Variants in RTN4RL1 observed in about 807,000 individuals in gnomAD.
RTN4RL1 encodes the protein reticulon-4 receptor-like 1.
In RTN4RL1, 7 loss-of-function variants were observed where a neutral mutation model predicts 25.6. That is an observed-to-expected ratio of 0.27 (90% confidence interval 0.16 to 0.51). The LOEUF (loss-of-function observed/expected upper bound fraction) is 0.51. Ranked by LOEUF, RTN4RL1 falls within the 20% of genes least tolerant of loss-of-function variation. The pLI is 0.97. For synonymous variants in RTN4RL1, 297 were observed against 288.2 expected (o/e 1.03, Z -0.31); for missense variants, 500 against 615.6 (o/e 0.81, Z 1.99).
At chr17:1,969,027 T>G in intron 1 of RTN4RL1, among the ~76,000 whole-genome samples, 1 of 149,784 alleles carries the variant, frequency 6.7e-6, no homozygotes, top group Non-Finnish European at 1.5e-5. Context: ...TGTCTACAAG[T>G]CAGACTCGTG....
In RTN4RL1 at chr17:1,994,438, C is replaced by T. The variant is rs1311862196; in HGVS notation, c.13+30415G>A. Among the ~76,000 whole-genome samples, 5 of 152,136 alleles carry T rather than the reference C, an allele frequency of 3.3e-5. No homozygotes were observed. The highest frequency in any genetic ancestry group is 1.3e-4 in the Admixed American group (2 of 15,262). Reference sequence around the variant, plus strand: ...CGGGCAAAAGCAGGGCGAGTACTGCCCAAGTCCTGAATATCCTCGGCCTCA... The same window carrying T: ...CGGGCAAAAGCAGGGCGAGTACTGCTCAAGTCCTGAATATCCTCGGCCTCA... On this transcript the variant is annotated intron_variant, in intron 1 of 1. Transcript: ENST00000331238. This position sits in a 1 kb window ranked among gnomAD's most constrained non-coding sequence, Gnocchi z 4.3.
Position 2,025,244 on chromosome 17 carries a change from A to C in RTN4RL1, c.-379T>G. On this transcript the variant is annotated 5_prime_UTR_variant, in exon 1 of 2. Transcript: ENST00000331238. The surrounding 1 kb of genome is among the most constrained non-coding windows in gnomAD (Gnocchi z 4.8). ...CCCCTCCTCTCCGCCCCCTCGGACC[A>C]CCGCCGCCGCGGCTGCAGCAAAAGG... is the stretch of plus-strand genomic sequence containing the variant. 5.7e-6 allele frequency: 1 copy of C among 174,864 alleles called. No individual in the cohort carries two copies. Among genetic ancestry groups the C allele is most frequent in the Non-Finnish European group, 1.2e-5 (1 of 84,158 alleles). The allele number at this position is 174,864 out of a possible 1,614,324, so 10.8% of individuals were successfully genotyped here.
intron 1 of RTN4RL1, among the ~76,000 whole-genome samples, chr17:1,948,192 G>A (rs1464725767): frequency 6.6e-6 from 1 of 152,204 alleles, no homozygotes; most frequent in African/African-American, 2.4e-5. Context: ...ACAGCGCACT[G>A]ACCTCTCTAC....
At chr17:1,976,229 G>A (rs1017340312) in intron 1 of RTN4RL1, among the ~76,000 whole-genome samples, 2 of 152,190 alleles carry the variant, frequency 1.3e-5, no homozygotes, top group African/African-American at 2.4e-5. Flanking sequence ...GCTGAGCCAC[G>A]AGAAGGCCCA....
At chr17:1,943,983 T>C (rs1915489112) in intron 1 of RTN4RL1, among the ~76,000 whole-genome samples, 1 of 152,082 alleles carries the variant, frequency 6.6e-6, no homozygotes, top group South Asian at 2.1e-4. Context: ...AGGAGTGCAG[T>C]GGCACAATCA....
At chr17:1,983,969 G>C (rs1284797534) in intron 1 of RTN4RL1, among the ~76,000 whole-genome samples, 1 of 152,176 alleles carries the variant, frequency 6.6e-6, no homozygotes, top group Non-Finnish European at 1.5e-5. Flanking sequence ...TCCCCTGGTA[G>C]AACCAGGCTG....
chr17:1,972,146 A>G (rs1249885034), intron 1 of RTN4RL1, among the ~76,000 whole-genome samples: 1 of 149,602 alleles, frequency 6.7e-6, no homozygotes, highest in East Asian at 2.0e-4. Context: ...CAAAAAATAA[A>G]GTAAAATCAA....
At chr17:2,014,650 G>A (rs2067096048) in intron 1 of RTN4RL1, among the ~76,000 whole-genome samples, 1 of 152,164 alleles carries the variant, frequency 6.6e-6, no homozygotes, top group African/African-American at 2.4e-5. Flanking sequence ...TGGCCAACAT[G>A]GCAAAACCTT....
At chr17:1,987,178 G>A (rs1005545554) in intron 1 of RTN4RL1, among the ~76,000 whole-genome samples, 28 of 152,150 alleles carry the variant, frequency 1.8e-4, no homozygotes, top group Admixed American at 8.5e-4. Flanking sequence ...TTTTCCTTTG[G>A]GAGAGCCGGT....
At chr17:1,985,836 T>C (rs2066885104) in intron 1 of RTN4RL1, among the ~76,000 whole-genome samples, 1 of 152,074 alleles carries the variant, frequency 6.6e-6, no homozygotes, top group Non-Finnish European at 1.5e-5. Flanking sequence ...GTGGAATCTC[T>C]GCAATTTGCA....
At chr17:1,946,109 CCCAGGGCAGGGTGA>C (rs1915533161) in intron 1 of RTN4RL1, among the ~76,000 whole-genome samples, 3 of 152,304 alleles carry the variant, frequency 2.0e-5, no homozygotes, top group African/African-American at 7.2e-5. Flanking sequence ...CAGCCAGAGG[CCCAGGGCAGGGTGA>C]CCAGGGCAGG....
intron 1 of RTN4RL1, among the ~76,000 whole-genome samples, chr17:1,968,949 G>A (rs2066805430): frequency 6.6e-6 from 1 of 152,052 alleles, no homozygotes; most frequent in Admixed American, 6.6e-5. Context: ...TCTGACCCAT[G>A]GTCTGCAGCA....
chr17:2,015,179 G>A (rs1250536746), intron 1 of RTN4RL1, among the ~76,000 whole-genome samples: 4 of 152,198 alleles, frequency 2.6e-5, no homozygotes, highest in Non-Finnish European at 5.9e-5. Context: ...CATGGGAGAA[G>A]GGCAGGGCTT....
At chr17:1,957,445 C>T (rs1047633201) in intron 1 of RTN4RL1, among the ~76,000 whole-genome samples, 12 of 152,298 alleles carry the variant, frequency 7.9e-5, no homozygotes, top group Admixed American at 4.6e-4. Flanking sequence ...GGCCTACCCA[C>T]GCTGGGGGTG....
rs58785478 is a variant in RTN4RL1 at position 1,935,711 on chromosome 17, GTATATATATATATATATATATATATA to G, written c.*759_*784del. On this transcript the variant is annotated 3_prime_UTR_variant, in exon 2 of 2. Coordinates refer to ENST00000331238, the MANE Select transcript of RTN4RL1 (RefSeq NM_178568.4). ...AGTGGGAGGGGGACTGTGCATTTGT[GTATATATATATATATATATATATATA>G]TATATATATATATATATGTAGAGTG... 247 of 159,890 alleles carry G rather than the reference GTATATATATATATATATATATATATA, an allele frequency of 1.5e-3. 50 individuals carry two copies. Among genetic ancestry groups the G allele is most frequent in the Middle Eastern group, 7.9e-3 (2 of 254 alleles). 9.9% of individuals were successfully genotyped at this position (159,890 alleles called of 1,614,324 possible). A position where few individuals can be genotyped will look rare whatever the true frequency, so the allele number is the denominator to read the frequency against.
At chr17:1,947,399 C>T (rs888586502) in intron 1 of RTN4RL1, among the ~76,000 whole-genome samples, 6 of 152,216 alleles carry the variant, frequency 3.9e-5, no homozygotes, top group African/African-American at 1.4e-4. Context: ...GCGTGCCTCG[C>T]TCACCCTCCT....
chr17:2,004,126 TG>T (rs2066977392), intron 1 of RTN4RL1, among the ~76,000 whole-genome samples: 1 of 150,964 alleles, frequency 6.6e-6, no homozygotes, highest in African/African-American at 2.4e-5. Context: ...CCCAGCACTT[TG>T]GGAGGCCGAG....
In RTN4RL1 at chr17:1,939,391, T is replaced by TAAATAAAA. The variant is rs1555601793; in HGVS notation, c.14-1584_14-1583insTTTTATTT. On this transcript the variant is annotated intron_variant, in intron 1 of 1. Coordinates refer to ENST00000331238, the MANE Select transcript of RTN4RL1 (RefSeq NM_178568.4). ...ATAAATAAATAAATAAATAAATAAA[T>TAAATAAAA]AAAATACAGACAATAGCAGTTCTCC... is the stretch of plus-strand genomic sequence containing the variant. 1.8e-3 allele frequency among the ~76,000 whole-genome samples: 274 copies of TAAATAAAA among 150,498 alleles called. 6 individuals are homozygous for TAAATAAAA. Among genetic ancestry groups the TAAATAAAA allele is most frequent in the Middle Eastern group, 0.014 (4 of 294 alleles).
chr17:2,024,706 G>C, intron 1 of RTN4RL1, 147 bp downstream of exon 1: 1 of 674,074 alleles, frequency 1.5e-6, no homozygotes, highest in Non-Finnish European at 2.4e-6. Flanking sequence ...CCCAGCAGCA[G>C]CCCCTCGGCG....
Sources: gnomAD v4.1 joint callset for allele counts (sites outside exome capture counted in the v4.1 genomes callset) on GRCh38, gnomAD v4.1.1 for gene constraint, Gnocchi (gnomAD v3.1) non-coding constraint, MANE v1.5 for transcripts, NCBI Gene and HGNC (gene_info 2026-07-23, HGNC 2026-07-21) for gene names.